CEP152: variants seen among roughly 807,000 people sequenced by gnomAD.
CEP152 encodes centrosomal protein 152.
Under a neutral mutation model 188.9 loss-of-function variants are expected in CEP152, and 132 were observed. The observed-to-expected ratio is 0.70, with a 90% CI of 0.61 to 0.81. The LOEUF is 0.81. CEP152 is among the 30% of genes least tolerant of loss of function. The pLI, the probability that CEP152 is intolerant of heterozygous loss-of-function variation, is 0.00. For synonymous variants in CEP152, 649 were observed against 666.6 expected (o/e 0.97, Z 0.41); for missense variants, 1,914 against 1,969.8 (o/e 0.97, Z 0.54).
chr15:48,776,946 G>T (rs987814333), intron 12 of CEP152, among the ~76,000 whole-genome samples: 4 of 151,932 alleles, frequency 2.6e-5, no homozygotes, highest in Non-Finnish European at 5.9e-5. Flanking sequence ...TTAAGATGAG[G>T]TGATGAAAGT....
In CEP152 at chr15:48,796,068, C is replaced by A. The variant is rs758012825; in HGVS notation, c.633G>T (p.Glu211Asp). 6.2e-7 allele frequency: 1 copy of A among 1,613,862 alleles called. No homozygotes were observed. Among genetic ancestry groups the A allele is most frequent in the Admixed American group, 1.7e-5 (1 of 59,998 alleles). The change falls in exon 6 of 27, where the codon GAG becomes GAT. Residue 211 changes from glutamate (E) to aspartate (D), a missense_variant. By Grantham distance (45) the Glu-to-Asp change is conservative (BLOSUM62 2). Transcript: ENST00000380950. ...SAQNNGSPAQ[E>D]ITGSDTFEGL... Reference sequence around the variant, plus strand: ...CTTCGAATGTGTCACTTCCTGTTATCTCCTGGGCTGGTGAGCCATTATTCT... The same window carrying A: ...CTTCGAATGTGTCACTTCCTGTTATATCCTGGGCTGGTGAGCCATTATTCT...
rs1320305173 is a variant in CEP152, at chr15:48,765,677, G to T, written c.2280+1383C>A. On this transcript the variant is annotated intron_variant, in intron 17 of 26. Transcript: ENST00000380950. ...TTTTTTTTTTTTTTTTTTGAGAGAC[G>T]GAGTTTCGCTCTGTCGCCCAGGCTG... 9.1e-6 allele frequency: 3 copies of T among 329,812 alleles called. No individual in the cohort carries two copies. The African/African-American group carries it at 1.1e-4, about 12-fold the overall frequency. 20.4% of individuals were successfully genotyped at this position (329,812 alleles called of 1,614,324 possible). A position where few individuals can be genotyped will look rare whatever the true frequency, so the allele number is the denominator to read the frequency against.
chr15:48,737,499 A>C (rs1294515218), downstream of CEP152, among the ~76,000 whole-genome samples: 1 of 152,220 alleles, frequency 6.6e-6, no homozygotes, highest in Admixed American at 6.5e-5. Context: ...GTAAAAATCT[A>C]ATCGTTTTAC....
chr15:48,745,881 A>AT (rs1448098761), intron 22 of CEP152, among the ~76,000 whole-genome samples: 1 of 152,182 alleles, frequency 6.6e-6, no homozygotes, highest in African/African-American at 2.4e-5. Context: ...TTATAATAGA[A>AT]ATAAAACAAC....
chr15:48,745,041 C>T, intron 22 of CEP152, 49 bp from the exon 23 acceptor site: 5 of 1,297,050 alleles, frequency 3.9e-6, no homozygotes, highest in Non-Finnish European at 5.3e-6. Flanking sequence ...ATTTTTTAAG[C>T]CTTCTTTTCC....
At chr15:48,792,629 T>G (rs1897055500) in intron 7 of CEP152, among the ~76,000 whole-genome samples, 1 of 152,222 alleles carries the variant, frequency 6.6e-6, no homozygotes, top group Non-Finnish European at 1.5e-5. Context: ...CAGGAAACGC[T>G]GCAGTGCAAA....
chr15:48,739,810 G>C (rs1035654434), intron 26 of CEP152, among the ~76,000 whole-genome samples: 1 of 152,194 alleles, frequency 6.6e-6, no homozygotes, highest in Non-Finnish European at 1.5e-5. Flanking sequence ...TTGTATCTCA[G>C]AGTAGCAAGC....
rs747641995 is a variant in CEP152, at chr15:48,805,654, C to T, written c.-5G>A. 87 of 1,612,606 alleles carry T rather than the reference C, an allele frequency of 5.4e-5. No individual in the cohort carries two copies. Among genetic ancestry groups the T allele is most frequent in the Non-Finnish European group, 3.8e-5 (45 of 1,179,442 alleles). Reference sequence around the variant, plus strand: ...ACTGCCAAAGTCTAATGACATGGTCCTCCTGTGGGAAGGGAAAGATGTTTG... The same window carrying T: ...ACTGCCAAAGTCTAATGACATGGTCTTCCTGTGGGAAGGGAAAGATGTTTG... On this transcript the variant is annotated splice_region_variant and 5_prime_UTR_variant, in exon 2 of 27. Coordinates refer to ENST00000380950, the MANE Select transcript of CEP152 (RefSeq NM_001194998.2).
At chr15:48,730,131 C>T (rs533632177) in intron 2 of CEP152, among the ~76,000 whole-genome samples, 2 of 152,234 alleles carry the variant, frequency 1.3e-5, no homozygotes, top group African/African-American at 2.4e-5. Flanking sequence ...GACTCTGAGG[C>T]GTTCTTACCA....
chr15:48,805,803 A>G, intron 1 of CEP152, 147 bp from the exon 2 acceptor site: 1 of 1,073,190 alleles, frequency 9.3e-7, no homozygotes, highest in Non-Finnish European at 1.3e-6. Context: ...GGCCAATAAA[A>G]ATAATGGTGA....
At chr15:48,751,710 G>A (rs1328272755) in intron 21 of CEP152, among the ~76,000 whole-genome samples, 1 of 152,080 alleles carries the variant, frequency 6.6e-6, no homozygotes, top group African/African-American at 2.4e-5. Context: ...AAAGAGATGG[G>A]AGCTAATAAA....
chr15:48,733,939 T>C (rs187843785), downstream of CEP152, among the ~76,000 whole-genome samples: 1 of 151,950 alleles, frequency 6.6e-6, no homozygotes, highest in African/African-American at 2.4e-5. Context: ...TGAAATATAT[T>C]CCAAAATCCA....
Position 48,768,380 on chromosome 15 carries a change from A to C in CEP152, c.1909-52T>G, listed in dbSNP as rs774327159. On this transcript the variant is annotated intron_variant, in intron 14 of 26. Coordinates refer to ENST00000380950, the MANE Select transcript of CEP152 (RefSeq NM_001194998.2). ...CTTACAGAAAATAAACATCATTTTC[A>C]CTGATTGATTTTGTCTTATTTTTTA... 1.3e-5 allele frequency: 13 copies of C among 964,732 alleles called. No homozygotes were observed. In the South Asian group the frequency reaches 1.8e-4, roughly 13 times the overall value. The allele number at this position is 964,732 out of a possible 1,614,324, so 59.8% of individuals were successfully genotyped here.
At chr15:48,794,486 G>A (rs1189388307) in intron 6 of CEP152, among the ~76,000 whole-genome samples, 1 of 152,078 alleles carries the variant, frequency 6.6e-6, no homozygotes, top group Non-Finnish European at 1.5e-5. Context: ...ACTCCTCATA[G>A]GTCTTATAGT....
chr15:48,781,464 AC>A, intron 11 of CEP152, 105 bp from the exon 12 acceptor site: 4 of 835,936 alleles, frequency 4.8e-6, no homozygotes, highest in Admixed American at 2.3e-5. Context: ...AGGCAAAAAA[AC>A]TTCTTCAAAT....
intron 12 of CEP152, among the ~76,000 whole-genome samples, chr15:48,780,044 T>C (rs1484415756): frequency 6.6e-6 from 1 of 152,212 alleles, no homozygotes; most frequent in Non-Finnish European, 1.5e-5. Flanking sequence ...GAAGGATGGA[T>C]ACTGTCTTTC....
At chr15:48,804,798 G>A (rs1279852093) in intron 2 of CEP152, among the ~76,000 whole-genome samples, 2 of 152,234 alleles carry the variant, frequency 1.3e-5, no homozygotes, top group Middle Eastern at 6.8e-3. Flanking sequence ...ATTGTTCTTA[G>A]AATAAAATAC....
At chr15:48,798,482 T>G (rs1019761322) in intron 2 of CEP152, among the ~76,000 whole-genome samples, 8 of 152,112 alleles carry the variant, frequency 5.3e-5, no homozygotes, top group African/African-American at 1.9e-4. Flanking sequence ...CCAGATGCAC[T>G]CTGGCCAGGT....
intron 5 of CEP152, 62 bp downstream of exon 5, chr15:48,797,239 C>A: frequency 6.3e-7 from 1 of 1,580,710 alleles, no homozygotes; most frequent in Non-Finnish European, 8.7e-7. Flanking sequence ...TGAACACACA[C>A]AAACATCACG....
Sources: gnomAD v4.1 joint callset for allele counts (sites outside exome capture counted in the v4.1 genomes callset) on GRCh38, gnomAD v4.1.1 for gene constraint, MANE v1.5 for transcripts, NCBI Gene and HGNC (gene_info 2026-07-23, HGNC 2026-07-21) for gene names.